The following COL17A1 variants were observed in gnomAD, a reference collection of about 807,000 sequenced individuals.
The protein encoded by COL17A1 is collagen alpha-1(XVII) chain.
In COL17A1, 181 loss-of-function variants were observed where a neutral mutation model predicts 218.4. The observed-to-expected ratio is 0.83, with a 90% CI of 0.73 to 0.94. The LOEUF (loss-of-function observed/expected upper bound fraction) is 0.94. Ranked by LOEUF, COL17A1 falls within the 40% of genes least tolerant of loss-of-function variation. The pLI is 0.00. For synonymous variants in COL17A1, 721 were observed against 731.0 expected, an observed-to-expected ratio of 0.99 and a Z score of 0.22; for missense variants, 1,924 against 1,945.9, an observed-to-expected ratio of 0.99 and a Z score of 0.21.
rs2040184612 is a variant in COL17A1 at position 104,077,419 on chromosome 10, C to G, written c.202+3G>C. 4 of 1,610,420 alleles carry G rather than the reference C, an allele frequency of 2.5e-6. No individual in the cohort carries two copies. The South Asian group carries it at 4.4e-5, about 18-fold the overall frequency. On this transcript the variant is annotated splice_donor_region_variant and intron_variant, in intron 4 of 55. Coordinates refer to ENST00000648076, the MANE Select transcript of COL17A1 (RefSeq NM_000494.4). Reference sequence around the variant, plus strand: ...CTGACCTCTTGCACTAGTGGGCACTCACTTGAGTTTATGTAGCCGCTGCTG... The same window carrying G: ...CTGACCTCTTGCACTAGTGGGCACTGACTTGAGTTTATGTAGCCGCTGCTG...
At chr10:104,059,968 G>T in intron 14 of COL17A1, 151 bp downstream of exon 14, 1 of 1,375,080 alleles carries the variant, frequency 7.3e-7, no homozygotes, top group Non-Finnish European at 1.0e-6. Context: ...GGCAGACCCT[G>T]GAACATACTA....
chr10:104,077,950 G>GCAC (rs2086726457), intron 3 of COL17A1, among the ~76,000 whole-genome samples: 1 of 152,222 alleles, frequency 6.6e-6, no homozygotes, highest in Admixed American at 6.5e-5. Flanking sequence ...GGGGCGTGTG[G>GCAC]CAGCTCTGTG....
chr10:104,056,904 G>A (rs1399307096), intron 17 of COL17A1, 71 bp downstream of exon 17: 2 of 1,547,568 alleles, frequency 1.3e-6, no homozygotes, highest in African/African-American at 1.4e-5. Flanking sequence ...ACAGATTCCT[G>A]CCCTTCTGAC....
At position 104,055,767 on chromosome 10, in the gene COL17A1, C is replaced by A. The variant is rs77525709; in HGVS notation, c.1687+15G>T. On this transcript the variant is annotated intron_variant, in intron 18 of 55. Coordinates refer to ENST00000648076, the MANE Select transcript of COL17A1 (RefSeq NM_000494.4). Reference sequence around the variant, plus strand: ...GACTCAGGGGAGCTGGCCCTGTGCCCGGCGATGCTCTCACCATTTTCCTGT... The same window carrying A: ...GACTCAGGGGAGCTGGCCCTGTGCCAGGCGATGCTCTCACCATTTTCCTGT... The A allele has an allele frequency of 6.4e-4, 1,033 of 1,613,490 alleles. 1 individual carries two copies. The highest frequency in any genetic ancestry group is 4.8e-3 in the African/African-American group (363 of 75,016).
intron 50 of COL17A1, 110 bp from the exon 51 acceptor site, chr10:104,034,877 T>C: frequency 7.2e-7 from 1 of 1,385,424 alleles, no homozygotes; most frequent in Non-Finnish European, 9.9e-7. Flanking sequence ...GGGATGAGGC[T>C]GGGCCTCCCG....
chr10:104,034,041 C>G lies in COL17A1; in HGVS notation c.4060G>C (p.Gly1354Arg). Residue 1354 changes from glycine (G) to arginine (R), a missense_variant, in exon 52 of 56, where the codon GGC (glycine) becomes CGC (arginine). Gly to Arg is a moderately radical substitution (Grantham distance 125, BLOSUM62 -2). Coordinates refer to ENST00000648076, the MANE Select transcript of COL17A1 (RefSeq NM_000494.4). The stretch of plus-strand genomic sequence containing the variant: ...AGTCCGCCATTGCCAGCATACATGC[C>G]GCCTTCTGCTGCTGCCCCATAGCCT... ...GGGYGAAAEG[G>R]MYAGNGGLLG... 1 of 1,614,158 alleles carries G rather than the reference C, an allele frequency of 6.2e-7. No homozygotes were observed. Among genetic ancestry groups the G allele is most frequent in the Non-Finnish European group, 8.5e-7 (1 of 1,180,040 alleles).
chr10:104,052,454 A>C (rs540051342), intron 23 of COL17A1, among the ~76,000 whole-genome samples: 1 of 152,188 alleles, frequency 6.6e-6, no homozygotes, highest in Admixed American at 6.5e-5. Flanking sequence ...CTGGTTGAGC[A>C]ATATTTTAAA....
At chr10:104,058,332 C>G (rs2086551195) in intron 15 of COL17A1, 142 bp from the exon 16 acceptor site, 1 of 969,812 alleles carries the variant, frequency 1.0e-6, no homozygotes, top group Non-Finnish European at 1.6e-6. Context: ...CATCTCAGTC[C>G]TCACTAATCT....
At chr10:104,049,301 G>C in intron 29 of COL17A1, 108 bp downstream of exon 29, 2 of 974,082 alleles carry the variant, frequency 2.1e-6, no homozygotes, top group South Asian at 2.6e-5. Context: ...TACCAGGAGT[G>C]GGCAGATTAG....
intron 4 of COL17A1, 55 bp downstream of exon 4, chr10:104,077,367 G>A (rs1356373271): frequency 7.1e-7 from 1 of 1,403,834 alleles, no homozygotes; most frequent in African/African-American, 1.4e-5. Context: ...CTTTCTTGGT[G>A]TCTCTCTCTT....
Position 104,051,414 on chromosome 10 carries a change from T to C in COL17A1, c.2038+67A>G. ...CTTCTTTGGCTTTAAAAATATTTGG[T>C]TTTCCTTTTAACATTGCCACCTTTG... On this transcript the variant is annotated intron_variant, in intron 25 of 55. Coordinates refer to ENST00000648076, the MANE Select transcript of COL17A1 (RefSeq NM_000494.4). The C allele has an allele frequency of 4.4e-6, 7 of 1,590,102 alleles. 1 individual carries two copies. In the South Asian group the frequency reaches 7.8e-5, roughly 18 times the overall value.
chr10:104,036,047 G>A (rs1309084773), intron 48 of COL17A1, among the ~76,000 whole-genome samples: 1 of 132,844 alleles, frequency 7.5e-6, no homozygotes, highest in African/African-American at 3.1e-5. Context: ...TGTGTGTATA[G>A]GAGTGTGTGT....
chr10:104,072,423 T>C (rs1227080830), intron 7 of COL17A1, among the ~76,000 whole-genome samples: 1 of 152,226 alleles, frequency 6.6e-6, no homozygotes, highest in East Asian at 1.9e-4. Context: ...CCTGCGTCCA[T>C]GGTCTCAGGC....
chr10:104,036,084 A>G (rs1300718902), intron 48 of COL17A1, among the ~76,000 whole-genome samples: 46 of 30,698 alleles, frequency 1.5e-3, no homozygotes, highest in East Asian at 4.1e-3. Context: ...GGGAGTGTGT[A>G]TGGGAGTGTG....
At position 104,035,498 on chromosome 10, in the gene COL17A1, C is replaced by T. The variant is rs1460608787; in HGVS notation, c.3484G>A (p.Glu1162Lys). The T allele has an allele frequency of 6.2e-7, 1 of 1,613,846 alleles. No individual in the cohort carries two copies. The highest frequency in any genetic ancestry group is 8.5e-7 in the Non-Finnish European group (1 of 1,179,892). The change falls in exon 49 of 56, where the codon GAG becomes AAG. Residue 1162 changes from glutamate (E) to lysine (K), a missense_variant. Glu to Lys is a moderately conservative substitution (Grantham distance 56). Transcript: ENST00000648076. Reference sequence around the variant, plus strand: ...CCTCGCAGCAAGGAGAGGAGCTCCTCATAGGAGGTTCCCGGCAAGCCAGGG... The same window carrying T: ...CCTCGCAGCAAGGAGAGGAGCTCCTTATAGGAGGTTCCCGGCAAGCCAGGG... ...GPPGLPGTSY[E>K]ELLSLLRGSE...
At position 104,041,312 on chromosome 10, in the gene COL17A1, C is replaced by T; in HGVS notation, c.2638G>A (p.Gly880Ser). The change falls in exon 38 of 56, where the codon GGC becomes AGC. Residue 880 changes from glycine (G) to serine (S), a missense_variant. Physicochemically the swap from Gly to Ser is moderately conservative, Grantham distance 56 (BLOSUM62 0). Coordinates refer to ENST00000648076, the MANE Select transcript of COL17A1 (RefSeq NM_000494.4). ...TAAGCTCGGCTCTCACCTGGTGGGC[C>T]TCGGGGTCCTGGTGGGCCTGGAATG... ...PSIPGPPGPR[G>S]PPGEGLPGPP... 1.2e-6 allele frequency: 2 copies of T among 1,609,430 alleles called. No homozygotes were observed. Among genetic ancestry groups the T allele is most frequent in the East Asian group, 2.2e-5 (1 of 44,806 alleles).
At chr10:104,058,218 C>T in intron 15 of COL17A1, 28 bp from the exon 16 acceptor site, 1 of 1,614,056 alleles carries the variant, frequency 6.2e-7, no homozygotes, top group Middle Eastern at 1.7e-4. Flanking sequence ...TTGACCTGAG[C>T]TTTTAAACTG....
At position 104,070,454 on chromosome 10, in the gene COL17A1, G is replaced by T; in HGVS notation, c.579C>A (p.Thr193=). ...ACTGGGAGCTCGCTGTCACAATTTT[G>T]GTCTCCACAGTGCCTTTCTTGGGGA... The part of the protein sequence containing the change: ...LPIPKKGTVE[T]KIVTASSQSV... The change falls in exon 9 of 56, where the codon ACC becomes ACA. Residue 193 remains threonine, a synonymous_variant. Coordinates refer to ENST00000648076, the MANE Select transcript of COL17A1 (RefSeq NM_000494.4). The T allele has an allele frequency of 6.2e-7, 1 of 1,614,056 alleles. No homozygotes were observed. Among genetic ancestry groups the T allele is most frequent in the Non-Finnish European group, 8.5e-7 (1 of 1,180,040 alleles).
intron 50 of COL17A1, 148 bp from the exon 51 acceptor site, chr10:104,034,915 G>A (rs1018673611): frequency 7.4e-6 from 7 of 949,122 alleles, no homozygotes; most frequent in African/African-American, 5.0e-5. Flanking sequence ...AAAGCAGGAG[G>A]CCAGAGCCTG....
Sources: gnomAD v4.1 joint callset for allele counts (sites outside exome capture counted in the v4.1 genomes callset) on GRCh38, gnomAD v4.1.1 for gene constraint, MANE v1.5 for transcripts, NCBI Gene and HGNC (gene_info 2026-07-23, HGNC 2026-07-21) for gene names.